KICS2: variants seen among roughly 807,000 people sequenced by gnomAD.
KICS2 encodes the protein KICSTOR subunit 2.
A neutral mutation model predicts 31.4 loss-of-function variants in KICS2; 13 were observed. The observed-to-expected ratio is 0.41, with a 90% CI of 0.27 to 0.66. The LOEUF (loss-of-function observed/expected upper bound fraction) is 0.66. Among genes scored for constraint, KICS2 ranks in the 30% least tolerant of loss-of-function variants. KICS2 has a pLI of 0.28. For synonymous variants in KICS2, 209 were observed against 214.8 expected (o/e 0.97, Z 0.24); for missense variants, 455 against 545.4 (o/e 0.83, Z 1.65).
At chr12:64,196,296 A>AC (rs1419080267) in intron 2 of KICS2, among the ~76,000 whole-genome samples, 2 of 151,476 alleles carry the variant, frequency 1.3e-5, no homozygotes, top group East Asian at 1.9e-4. Flanking sequence ...CTGACCCCTG[A>AC]CCCCCGAGCA....
chr12:64,191,583 C>T lies in KICS2; in HGVS notation c.*2259G>A, dbSNP rs913159003. 2.0e-5 allele frequency: 3 copies of T among 152,068 alleles called. No individual in the cohort carries two copies. Among genetic ancestry groups the T allele is most frequent in the Non-Finnish European group, 4.4e-5 (3 of 67,998 alleles). The allele number at this position is 152,068 out of a possible 1,614,324, so 9.4% of individuals were successfully genotyped here. A position where few individuals can be genotyped will look rare whatever the true frequency, so the allele number is the denominator to read the frequency against. On this transcript the variant is annotated 3_prime_UTR_variant, in exon 3 of 3. Coordinates refer to ENST00000398055, the MANE Select transcript of KICS2 (RefSeq NM_152440.5). The stretch of plus-strand genomic sequence containing the variant: ...CATACCAAGGAATATTTTTCAGTTT[C>T]TTGGCAGAACACAATAGAGAGGAAA...
In KICS2 at chr12:64,222,253, G is replaced by A. The variant is rs936482678; in HGVS notation, c.-16C>T. 3.1e-6 allele frequency: 5 copies of A among 1,612,202 alleles called. No individual in the cohort carries two copies. Among genetic ancestry groups the A allele is most frequent in the East Asian group, 2.2e-5 (1 of 44,844 alleles). On this transcript the variant is annotated 5_prime_UTR_variant, in exon 1 of 3. Coordinates refer to ENST00000398055, the MANE Select transcript of KICS2 (RefSeq NM_152440.5). ...ACTCCCCCATGCGAGCTGCGCCCCAGCTCGACCCACGTGGCTCTCCTCGGC... is the reference window on the plus strand; with the variant it reads ...ACTCCCCCATGCGAGCTGCGCCCCAACTCGACCCACGTGGCTCTCCTCGGC...
intron 2 of KICS2, among the ~76,000 whole-genome samples, chr12:64,212,537 C>T (rs1309754947): frequency 5.9e-5 from 9 of 152,142 alleles, no homozygotes; most frequent in African/African-American, 2.2e-4. Context: ...AATAATATTC[C>T]ATCATATGGA....
At chr12:64,208,163 C>A (rs910799839) in intron 2 of KICS2, among the ~76,000 whole-genome samples, 2 of 152,192 alleles carry the variant, frequency 1.3e-5, no homozygotes, top group Non-Finnish European at 2.9e-5. Context: ...GCACACACCA[C>A]CACAGCTGTC....
At position 64,192,130 on chromosome 12, in the gene KICS2, CT is replaced by C. The variant is rs568712559; in HGVS notation, c.*1711del. 355 of 134,664 alleles carry C rather than the reference CT, an allele frequency of 2.6e-3. No homozygotes were observed. Among genetic ancestry groups the C allele is most frequent in the African/African-American group, 2.5e-3 (93 of 36,848 alleles). 8.3% of individuals were successfully genotyped at this position (134,664 alleles called of 1,614,324 possible). ...CAGTAGATTCTTGGTTCTTCTTCTTCTTTTTTTTTTTTTGAGACAGGTCTCG... is the reference window on the plus strand; with the variant it reads ...CAGTAGATTCTTGGTTCTTCTTCTTCTTTTTTTTTTTTGAGACAGGTCTCG... On this transcript the variant is annotated 3_prime_UTR_variant, in exon 3 of 3. Transcript: ENST00000398055.
At chr12:64,197,525 G>A (rs1360865884) in intron 2 of KICS2, among the ~76,000 whole-genome samples, 1 of 150,980 alleles carries the variant, frequency 6.6e-6, no homozygotes, top group Non-Finnish European at 1.5e-5. Flanking sequence ...ATCGAGACTA[G>A]GAAGAAACTG....
intron 2 of KICS2, among the ~76,000 whole-genome samples, chr12:64,207,800 G>T (rs1463925496): frequency 2.0e-5 from 3 of 152,188 alleles, no homozygotes; most frequent in Admixed American, 6.5e-5. Flanking sequence ...TGTAAATTTG[G>T]AAGTCTGTTA....
At chr12:64,187,626 C>A (rs1185364941), downstream of KICS2, 109 of 1,535,292 alleles carry the variant, frequency 7.1e-5, no homozygotes, top group Non-Finnish European at 9.0e-5. Flanking sequence ...CAAAAGGCCA[C>A]GAAATAATTG....
chr12:64,195,882 G>A (rs547798203), intron 2 of KICS2, among the ~76,000 whole-genome samples: 48 of 152,310 alleles, frequency 3.2e-4, no homozygotes, highest in Middle Eastern at 3.4e-3. Flanking sequence ...CGAATACTGC[G>A]CTTTTCTGAC....
chr12:64,221,109 C>CGG (rs3215078), intron 1 of KICS2, among the ~76,000 whole-genome samples: 13 of 95,296 alleles, frequency 1.4e-4, no homozygotes, highest in African/African-American at 3.3e-4. Context: ...GGTTAGGGAA[C>CGG]GGGGGGGGGT....
intron 2 of KICS2, among the ~76,000 whole-genome samples, chr12:64,209,533 C>T (rs1170075078): frequency 6.6e-6 from 1 of 151,980 alleles, no homozygotes; most frequent in African/African-American, 2.4e-5. Context: ...TGCAGTGAGC[C>T]GAGATTGCGC....
chr12:64,213,571 C>A (rs772359871), intron 2 of KICS2, among the ~76,000 whole-genome samples: 1 of 151,948 alleles, frequency 6.6e-6, no homozygotes, highest in African/African-American at 2.4e-5. Flanking sequence ...ATTTCCACCT[C>A]CCCCCCTTTT....
At chr12:64,198,692 G>A (rs1727215422) in intron 2 of KICS2, among the ~76,000 whole-genome samples, 1 of 70,438 alleles carries the variant, frequency 1.4e-5, no homozygotes, top group Non-Finnish European at 2.7e-5. Context: ...CAACAAAATT[G>A]ATAGACCACT....
At chr12:64,187,669 G>C (rs773682518), downstream of KICS2, 1 of 1,534,036 alleles carries the variant, frequency 6.5e-7, no homozygotes. Flanking sequence ...GAAAAGTAGA[G>C]AGGGAATTGC....
At chr12:64,218,743 C>T (rs12578419) in intron 1 of KICS2, among the ~76,000 whole-genome samples, 20,446 of 151,642 alleles carry the variant, frequency 0.13, 1,755 homozygotes, top group East Asian at 0.38. Flanking sequence ...ATCAGATTAC[C>T]CCTATCTGGG....
In KICS2 at chr12:64,192,905, T is replaced by A; in HGVS notation, c.*937A>T. 1.0e-6 allele frequency: 1 copy of A among 985,464 alleles called. No individual in the cohort carries two copies. Among genetic ancestry groups the A allele is most frequent in the African/African-American group, 1.7e-5 (1 of 57,372 alleles). 61.0% of individuals were successfully genotyped at this position (985,464 alleles called of 1,614,324 possible). A position where few individuals can be genotyped will look rare whatever the true frequency, so the allele number is the denominator to read the frequency against. On this transcript the variant is annotated 3_prime_UTR_variant, in exon 3 of 3. Coordinates refer to ENST00000398055, the MANE Select transcript of KICS2 (RefSeq NM_152440.5). ...AAGCGCACAGTTGATTTTTAGCAAG[T>A]ACAGCGTATGAAGACCTTCATTTTG...
rs1163964196 is a variant in KICS2, at chr12:64,191,734, A to G, written c.*2108T>C. 1 of 152,198 alleles carries G rather than the reference A, an allele frequency of 6.6e-6. No individual in the cohort carries two copies. The highest frequency in any genetic ancestry group is 2.4e-5 in the African/African-American group (1 of 41,442). The allele number at this position is 152,198 out of a possible 1,614,324, so 9.4% of individuals were successfully genotyped here. ...ATGCAGAGGTAAATCACTACTTTCT[A>G]TTTAAAGCAAACTAGCTTTTTACAA... On this transcript the variant is annotated 3_prime_UTR_variant, in exon 3 of 3. Transcript: ENST00000398055.
At chr12:64,207,266 T>C (rs1459650820) in intron 2 of KICS2, among the ~76,000 whole-genome samples, 1 of 123,156 alleles carries the variant, frequency 8.1e-6, no homozygotes, top group African/African-American at 3.2e-5. Context: ...ATCAGGCCAC[T>C]GCATTCTAGC....
intron 2 of KICS2, among the ~76,000 whole-genome samples, chr12:64,209,516 C>T (rs762128388): frequency 3.2e-4 from 49 of 152,088 alleles, no homozygotes; most frequent in Admixed American, 9.8e-4. Context: ...ACCCAGGAGG[C>T]GGAGGTTGCA....
Sources: gnomAD v4.1 joint callset for allele counts (sites outside exome capture counted in the v4.1 genomes callset) on GRCh38, gnomAD v4.1.1 for gene constraint, MANE v1.5 for transcripts, NCBI Gene and HGNC (gene_info 2026-07-23, HGNC 2026-07-21) for gene names.